Variants in CLSTN2 observed in about 807,000 individuals in gnomAD.
The protein encoded by CLSTN2 is calsyntenin-2.
A neutral mutation model predicts 101.2 loss-of-function variants in CLSTN2; 48 were observed. The observed-to-expected ratio is 0.47, with a 90% CI of 0.38 to 0.60. The LOEUF (loss-of-function observed/expected upper bound fraction) is 0.60, where lower values mean the gene tolerates loss of function less well. Among genes scored for constraint, CLSTN2 ranks in the 20% least tolerant of loss-of-function variants. The pLI is 0.00. For missense variants in CLSTN2, 1,160 were observed against 1,238.2 expected, an observed-to-expected ratio of 0.94 and a Z score of 0.95; for synonymous variants, 481 against 463.6, an observed-to-expected ratio of 1.04 and a Z score of -0.48.
chr3:140,090,946 G>T (rs928924778), intron 1 of CLSTN2, among the ~76,000 whole-genome samples: 2 of 152,128 alleles, frequency 1.3e-5, no homozygotes, highest in Non-Finnish European at 2.9e-5. Flanking sequence ...CTAAGAGAAG[G>T]TGTATTGCAT....
At chr3:140,313,306 AACTGAG>A (rs1411256868) in intron 2 of CLSTN2, among the ~76,000 whole-genome samples, 15 of 152,218 alleles carry the variant, frequency 9.9e-5, no homozygotes, top group Non-Finnish European at 2.2e-4. Flanking sequence ...CAGAAAAGGA[AACTGAG>A]ACTCAGAGCT....
intron 8 of CLSTN2, among the ~76,000 whole-genome samples, chr3:140,514,668 T>C (rs1436596090): frequency 1.3e-5 from 2 of 152,318 alleles, no homozygotes; most frequent in South Asian, 2.1e-4. Context: ...CTGGAACAAA[T>C]GGTAGTTCTA....
chr3:139,936,438 C>T (rs751361943), intron 1 of CLSTN2, among the ~76,000 whole-genome samples: 5 of 152,182 alleles, frequency 3.3e-5, no homozygotes, highest in East Asian at 1.9e-4. Flanking sequence ...TGTTGATTCT[C>T]TGCGCTGTTC....
At chr3:140,253,757 G>C (rs190979872) in intron 2 of CLSTN2, among the ~76,000 whole-genome samples, 7 of 152,192 alleles carry the variant, frequency 4.6e-5, no homozygotes, top group African/African-American at 1.7e-4. Context: ...CCCACCAAAG[G>C]GTTTCGGTCT....
At chr3:140,007,404 C>G (rs892354294) in intron 1 of CLSTN2, among the ~76,000 whole-genome samples, 1 of 152,166 alleles carries the variant, frequency 6.6e-6, no homozygotes, top group Admixed American at 6.5e-5. Flanking sequence ...ATGAGGGGTG[C>G]CAATGGGAGC....
chr3:140,492,687 A>G (rs1934376238), intron 8 of CLSTN2, among the ~76,000 whole-genome samples: 1 of 152,250 alleles, frequency 6.6e-6, no homozygotes, highest in African/African-American at 2.4e-5. Flanking sequence ...TACATTCTAT[A>G]TAAATATGTT....
chr3:140,032,123 T>C (rs1313078749), intron 1 of CLSTN2, among the ~76,000 whole-genome samples: 1 of 152,088 alleles, frequency 6.6e-6, no homozygotes, highest in Non-Finnish European at 1.5e-5. Context: ...ACATATTGCA[T>C]AGACTTGTCA....
In CLSTN2 at chr3:140,427,244, T is replaced by TAC. The variant is rs1553742795; in HGVS notation, c.787+5972_787+5973dup. On this transcript the variant is annotated intron_variant, in intron 5 of 16. Coordinates refer to ENST00000458420, the MANE Select transcript of CLSTN2 (RefSeq NM_022131.3). The stretch of plus-strand genomic sequence containing the variant: ...ATATATGTGTGTATATATATATATA[T>TAC]ACATATATATATACATAAATTAAAA... Among the ~76,000 whole-genome samples, 219 of 127,550 alleles carry TAC rather than the reference T, an allele frequency of 1.7e-3. 14 individuals are homozygous for TAC. The highest frequency in any genetic ancestry group is 7.5e-3 in the African/African-American group (217 of 29,118). The allele number at this position is 127,550 out of a possible 152,430, so 83.7% of individuals were successfully genotyped here.
chr3:140,296,576 G>C (rs2107906892), intron 2 of CLSTN2, among the ~76,000 whole-genome samples: 1 of 151,948 alleles, frequency 6.6e-6, no homozygotes, highest in East Asian at 1.9e-4. Context: ...ATTTTAATTG[G>C]GATGCTCATC....
intron 2 of CLSTN2, among the ~76,000 whole-genome samples, chr3:140,401,414 C>T (rs111949667): frequency 2.6e-5 from 4 of 152,154 alleles, no homozygotes; most frequent in Non-Finnish European, 5.9e-5. Context: ...ACTTAGCCCT[C>T]GGAAAAATTA....
chr3:140,421,975 A>G (rs73228979), intron 5 of CLSTN2, among the ~76,000 whole-genome samples: 9,406 of 152,216 alleles, frequency 0.062, 359 homozygotes, highest in African/African-American at 0.11. Flanking sequence ...GGTGATGCCA[A>G]TAGATCTGGT....
At chr3:139,985,285 C>T (rs1406920434) in intron 1 of CLSTN2, among the ~76,000 whole-genome samples, 1 of 152,134 alleles carries the variant, frequency 6.6e-6, no homozygotes, top group African/African-American at 2.4e-5. Context: ...TGGGGGTGGA[C>T]CGAGTCTAGT....
chr3:139,951,995 G>A (rs1221079434), intron 1 of CLSTN2, among the ~76,000 whole-genome samples: 1 of 152,026 alleles, frequency 6.6e-6, no homozygotes, highest in African/African-American at 2.4e-5. Flanking sequence ...CCTCACATAA[G>A]CTTGAAGTGT....
intron 8 of CLSTN2, among the ~76,000 whole-genome samples, chr3:140,518,579 G>A (rs546250846): frequency 1.5e-4 from 23 of 152,258 alleles, no homozygotes; most frequent in African/African-American, 5.3e-4. Flanking sequence ...GGACATTCAG[G>A]TTCCCCAGTA....
chr3:140,160,120 C>A (rs2107819355), intron 1 of CLSTN2, among the ~76,000 whole-genome samples: 1 of 151,932 alleles, frequency 6.6e-6, no homozygotes, highest in East Asian at 1.9e-4. Flanking sequence ...ATCAATATAC[C>A]CATGTAGCAA....
intron 2 of CLSTN2, among the ~76,000 whole-genome samples, chr3:140,315,023 G>C (rs1559836689): frequency 6.6e-6 from 1 of 152,190 alleles, no homozygotes; most frequent in Non-Finnish European, 1.5e-5. Context: ...GAGAGAGTTA[G>C]ATCACTTTCC....
intron 1 of CLSTN2, among the ~76,000 whole-genome samples, chr3:139,950,438 T>A (rs1161032573): frequency 6.6e-6 from 1 of 152,186 alleles, no homozygotes; most frequent in Admixed American, 6.5e-5. Context: ...ACTCCCTACA[T>A]GGGCTGAGGT....
chr3:139,979,024 A>G (rs1935868716), intron 1 of CLSTN2, among the ~76,000 whole-genome samples: 1 of 152,130 alleles, frequency 6.6e-6, no homozygotes, highest in Non-Finnish European at 1.5e-5. Flanking sequence ...ATATTCAAAA[A>G]TAGTTCTATA....
chr3:140,300,325 C>A (rs560790314), intron 2 of CLSTN2, among the ~76,000 whole-genome samples: 1 of 152,290 alleles, frequency 6.6e-6, no homozygotes, highest in Non-Finnish European at 1.5e-5. Context: ...TGCCCTTCAA[C>A]CAAAATTCCT....
Sources: gnomAD v4.1 joint callset for allele counts (sites outside exome capture counted in the v4.1 genomes callset) on GRCh38, gnomAD v4.1.1 for gene constraint, MANE v1.5 for transcripts, NCBI Gene and HGNC (gene_info 2026-07-23, HGNC 2026-07-21) for gene names.